Variants in NSF observed in about 807,000 individuals in gnomAD.
NSF encodes the protein vesicle-fusing ATPase.
Under a neutral mutation model 50.3 loss-of-function variants are expected in NSF, and 14 were observed. That is an observed-to-expected ratio of 0.28 (90% CI 0.18 to 0.44). NSF has a LOEUF of 0.44. Among genes scored for constraint, NSF ranks in the 20% least tolerant of loss-of-function variants. The pLI is 1.00. For synonymous variants in NSF, 109 were observed against 175.7 expected, an observed-to-expected ratio of 0.62 and a Z score of 3.00; for missense variants, 218 against 504.3, an observed-to-expected ratio of 0.43 and a Z score of 5.44.
intron 17 of NSF, among the ~76,000 whole-genome samples, chr17:46,735,366 A>T (rs2058991368): frequency 6.6e-6 from 1 of 152,032 alleles, no homozygotes; most frequent in Non-Finnish European, 1.5e-5. Context: ...TTAGCTTTTG[A>T]AAGGTGGGGA....
At chr17:46,662,149 ATT>A (rs2058310646) in intron 8 of NSF, among the ~76,000 whole-genome samples, 1 of 8,820 alleles carries the variant, frequency 1.1e-4, no homozygotes, top group Non-Finnish European at 4.2e-4. Context: ...AGCCTTTTGT[ATT>A]TTTAGTAGAG....
In NSF at chr17:46,719,384, T is replaced by C. The variant is rs1204950754; in HGVS notation, c.1761+5398T>C. On this transcript the variant is annotated intron_variant, in intron 15 of 20. Coordinates refer to ENST00000398238, the MANE Select transcript of NSF (RefSeq NM_006178.4). The surrounding 1 kb of genome is among the most constrained non-coding windows in gnomAD (Gnocchi z 4.3). The stretch of plus-strand genomic sequence containing the variant: ...TTAATGAGTACATGAGATTTTATTA[T>C]AATTATACTATTGCCTCTTTTTCAC... 6.6e-6 allele frequency among the ~76,000 whole-genome samples: 1 copy of C among 152,222 alleles called. No individual in the cohort carries two copies. Among genetic ancestry groups the C allele is most frequent in the African/African-American group, 2.4e-5 (1 of 41,460 alleles).
chr17:46,717,600 T>C (rs1395993432), intron 15 of NSF, among the ~76,000 whole-genome samples: 2 of 152,070 alleles, frequency 1.3e-5, no homozygotes, highest in Non-Finnish European at 2.9e-5. Context: ...TAATGCCAGC[T>C]ACTCAGGAGG....
chr17:46,717,833 A>G (rs1051922613), intron 15 of NSF, among the ~76,000 whole-genome samples: 6 of 152,194 alleles, frequency 3.9e-5, no homozygotes, highest in Non-Finnish European at 7.3e-5. Context: ...ACGCTTAACA[A>G]CTTTGACAAG....
At chr17:46,684,908 G>A (rs1272333076) in intron 9 of NSF, among the ~76,000 whole-genome samples, 1 of 101,700 alleles carries the variant, frequency 9.8e-6, no homozygotes, top group Admixed American at 1.3e-4. Context: ...CTAGTGTGAT[G>A]AAATAGCATA....
chr17:46,715,596 A>G (rs941095017), intron 15 of NSF, among the ~76,000 whole-genome samples: 14 of 152,180 alleles, frequency 9.2e-5, no homozygotes, highest in African/African-American at 3.4e-4. Flanking sequence ...ATGTGGGTGG[A>G]TGGTCCTAGT....
intron 1 of NSF, among the ~76,000 whole-genome samples, chr17:46,605,570 C>A (rs1217789225): frequency 9.8e-6 from 1 of 102,102 alleles, no homozygotes; most frequent in Non-Finnish European, 2.0e-5. Context: ...TTTCCATATG[C>A]TTAGAGAAAA....
chr17:46,690,604 T>G (rs1273732985), intron 9 of NSF, among the ~76,000 whole-genome samples: 1 of 77,716 alleles, frequency 1.3e-5, no homozygotes, highest in Non-Finnish European at 2.8e-5. Context: ...AGAGTGAGAC[T>G]CCGTCTCAAA....
intron 15 of NSF, among the ~76,000 whole-genome samples, chr17:46,723,096 C>G (rs758466192): frequency 9.9e-5 from 15 of 152,198 alleles, no homozygotes; most frequent in Non-Finnish European, 1.9e-4. Context: ...GGTGAGACTA[C>G]ATACCATGTA....
intron 19 of NSF, among the ~76,000 whole-genome samples, chr17:46,753,656 A>G (rs2059205821): frequency 6.6e-6 from 1 of 152,062 alleles, no homozygotes; most frequent in Admixed American, 6.6e-5. Flanking sequence ...TTTTTTCCCC[A>G]ACCCTCATCC....
At chr17:46,730,205 A>G (rs1042567492) in intron 17 of NSF, among the ~76,000 whole-genome samples, 1 of 152,188 alleles carries the variant, frequency 6.6e-6, no homozygotes, top group African/African-American at 2.4e-5. Flanking sequence ...CAACATCTAC[A>G]TATATTATGC....
At chr17:46,743,185 A>G (rs2059094304) in intron 17 of NSF, among the ~76,000 whole-genome samples, 1 of 152,016 alleles carries the variant, frequency 6.6e-6, no homozygotes, top group Non-Finnish European at 1.5e-5. Flanking sequence ...TCCCTAACCC[A>G]GAGCCAACCT....
At position 46,733,889 on chromosome 17, in the gene NSF, G is replaced by A. The variant is rs373137432; in HGVS notation, c.1908+4955G>A. ...TGTTGTTGAGAATAGTAACTTCCTC[G>A]CTGCTCTGACACCTAGGAATATTAC... On this transcript the variant is annotated intron_variant, in intron 17 of 20. Coordinates refer to ENST00000398238, the MANE Select transcript of NSF (RefSeq NM_006178.4). 2.3e-4 allele frequency among the ~76,000 whole-genome samples: 35 copies of A among 152,266 alleles called. No individual in the cohort carries two copies. The East Asian group carries it at 4.2e-3, about 18-fold the overall frequency.
In NSF at chr17:46,606,836, A is replaced by G. The variant is rs1182209916; in HGVS notation, c.12+16049A>G. On this transcript the variant is annotated intron_variant, in intron 1 of 20. Transcript: ENST00000398238. ...CAAAAATAAATAAATAAATAAATAA[A>G]TAAAAGCAAGCAAACAAACTTACTG... is the stretch of plus-strand genomic sequence containing the variant. Among the ~76,000 whole-genome samples the G allele has an allele frequency of 3.6e-4, 2 of 5,490 alleles. 1 individual carries two copies. Among genetic ancestry groups the G allele is most frequent in the Non-Finnish European group, 9.3e-3 (2 of 214 alleles). The allele number at this position is 5,490 out of a possible 152,430, so 3.6% of individuals were successfully genotyped here. A position where few individuals can be genotyped will look rare whatever the true frequency, so the allele number is the denominator to read the frequency against.
intron 18 of NSF, among the ~76,000 whole-genome samples, chr17:46,750,612 A>G (rs1292573868): frequency 2.0e-5 from 3 of 152,236 alleles, no homozygotes; most frequent in East Asian, 3.8e-4. Context: ...AATATACATG[A>G]CAGTGAGTTA....
intron 15 of NSF, among the ~76,000 whole-genome samples, chr17:46,722,948 G>T (rs569025932): frequency 1.3e-5 from 2 of 152,314 alleles, no homozygotes; most frequent in East Asian, 3.9e-4. Flanking sequence ...GAGACCGACT[G>T]CAAAAAACAA....
chr17:46,721,481 T>C (rs1320801229), intron 15 of NSF: 4 of 737,162 alleles, frequency 5.4e-6, no homozygotes, highest in South Asian at 3.2e-5. Flanking sequence ...ATGTTGATAA[T>C]TTTACCTGTT....
chr17:46,727,034 A>G (rs2058896077), intron 16 of NSF, among the ~76,000 whole-genome samples: 1 of 152,230 alleles, frequency 6.6e-6, no homozygotes, highest in African/African-American at 2.4e-5. Flanking sequence ...CACTAAGGGC[A>G]GAAGTTGTAA....
intron 13 of NSF, among the ~76,000 whole-genome samples, chr17:46,707,130 C>T (rs1056789584): frequency 2.0e-5 from 3 of 152,158 alleles, no homozygotes; most frequent in Non-Finnish European, 4.4e-5. Flanking sequence ...GGATTACAGG[C>T]GTGAGCCACT....
Sources: gnomAD v4.1 joint callset for allele counts (sites outside exome capture counted in the v4.1 genomes callset) on GRCh38, gnomAD v4.1.1 for gene constraint, Gnocchi (gnomAD v3.1) non-coding constraint, MANE v1.5 for transcripts, NCBI Gene and HGNC (gene_info 2026-07-23, HGNC 2026-07-21) for gene names.